Variants in AKAP12 observed in about 807,000 individuals in gnomAD.
AKAP12 encodes the protein A-kinase anchor protein 12.
In AKAP12, 32 loss-of-function variants were observed where a neutral mutation model predicts 79.9. The observed-to-expected ratio is 0.40, with a 90% CI of 0.30 to 0.54. The LOEUF (loss-of-function observed/expected upper bound fraction) is 0.54. AKAP12 is among the 20% of genes least tolerant of loss of function. The pLI is 0.48. For missense variants in AKAP12, 2,074 were observed against 2,177.0 expected, an observed-to-expected ratio of 0.95 and a Z score of 0.94; for synonymous variants, 808 against 857.0, an observed-to-expected ratio of 0.94 and a Z score of 1.00.
At chr6:151,321,334 C>T (rs996483736) in intron 3 of AKAP12, among the ~76,000 whole-genome samples, 8 of 152,108 alleles carry the variant, frequency 5.3e-5, no homozygotes, top group African/African-American at 1.7e-4. Flanking sequence ...GGTTAGCTGT[C>T]ACTCCCTCTC....
intron 3 of AKAP12, among the ~76,000 whole-genome samples, chr6:151,332,158 TCCTGAGTAGCTGGGATTA>T (rs1452843851): frequency 3.4e-5 from 5 of 148,942 alleles, no homozygotes; most frequent in Non-Finnish European, 7.4e-5. Context: ...TGCCTCAGCC[TCCTGAGTAGCTGGGATTA>T]CAGGCGCCCG....
intron 3 of AKAP12, among the ~76,000 whole-genome samples, chr6:151,326,511 AAAAG>A (rs1777532626): frequency 6.6e-6 from 1 of 151,896 alleles, no homozygotes; most frequent in African/African-American, 2.4e-5. Context: ...AAAAAAGAAA[AAAAG>A]AAAAAAGTAT....
intron 2 of AKAP12, among the ~76,000 whole-genome samples, chr6:151,275,437 A>AG (rs1280913087): frequency 1.3e-5 from 2 of 152,146 alleles, no homozygotes; most frequent in Non-Finnish European, 2.9e-5. Context: ...GGGAAAAAAA[A>AG]TCTGTAGAAG....
chr6:151,325,741 G>T, intron 3 of AKAP12: 2 of 1,558,910 alleles, frequency 1.3e-6, no homozygotes, highest in Admixed American at 1.9e-5. Flanking sequence ...GTGTCTGGGC[G>T]CTCAGTCCGC....
intron 2 of AKAP12, among the ~76,000 whole-genome samples, chr6:151,273,886 G>C (rs961693067): frequency 3.3e-5 from 5 of 151,990 alleles, no homozygotes; most frequent in African/African-American, 1.2e-4. Flanking sequence ...AAAATTAGCC[G>C]GGTATGGTGG....
chr6:151,248,046 A>G (rs930644307), intron 2 of AKAP12, among the ~76,000 whole-genome samples: 6 of 151,912 alleles, frequency 3.9e-5, no homozygotes, highest in South Asian at 2.1e-4. Context: ...GAAATAAACC[A>G]AAATTTAAGA....
chr6:151,278,910 G>A lies in AKAP12; in HGVS notation c.163-26837G>A, dbSNP rs183725161. On this transcript the variant is annotated intron_variant, in intron 2 of 4. Transcript: ENST00000402676. ...TCTCGATCTCCTGACCTTGTGATCC[G>A]CCTGCCCCGGCCTCCCAAAGTGCTG... Among the ~76,000 whole-genome samples, 1,020 of 151,148 alleles carry A rather than the reference G, an allele frequency of 6.7e-3. 37 individuals carry two copies. The highest frequency in any genetic ancestry group is 0.061 in the Admixed American group (933 of 15,218).
chr6:151,316,069 CA>C (rs760159042), intron 3 of AKAP12, among the ~76,000 whole-genome samples: 4,740 of 152,252 alleles, frequency 0.031, 91 homozygotes, highest in Non-Finnish European at 0.047. Flanking sequence ...CAAACCATAT[CA>C]TATAGAAAAG....
intron 3 of AKAP12, chr6:151,323,920 G>A (rs1562739115): frequency 1.6e-5 from 16 of 985,218 alleles, no homozygotes; most frequent in East Asian, 1.1e-4. Context: ...GATCACCCAC[G>A]GCTCCTGGGA....
At chr6:151,272,742 G>A (rs192715393) in intron 2 of AKAP12, among the ~76,000 whole-genome samples, 1 of 152,284 alleles carries the variant, frequency 6.6e-6, no homozygotes, top group African/African-American at 2.4e-5. Context: ...TACCATGCCA[G>A]GCTGGTCTCA....
chr6:151,333,408 A>C (rs1420871472), intron 3 of AKAP12, among the ~76,000 whole-genome samples: 1 of 152,142 alleles, frequency 6.6e-6, no homozygotes, highest in Non-Finnish European at 1.5e-5. Context: ...GTGTTCACTA[A>C]GCTACAGTCT....
chr6:151,261,733 T>TTTATTTA (rs1554320393), intron 2 of AKAP12, among the ~76,000 whole-genome samples: 2 of 143,954 alleles, frequency 1.4e-5, no homozygotes, highest in African/African-American at 2.5e-5. Context: ...GTTTTTATTA[T>TTTATTTA]TTTATTTATT....
chr6:151,293,427 A>C (rs1218429027), intron 2 of AKAP12, among the ~76,000 whole-genome samples: 1 of 152,242 alleles, frequency 6.6e-6, no homozygotes, highest in African/African-American at 2.4e-5. Context: ...AACTCTTCAC[A>C]ATAACATTTT....
At chr6:151,300,613 C>G (rs1475044374) in intron 2 of AKAP12, among the ~76,000 whole-genome samples, 1 of 152,072 alleles carries the variant, frequency 6.6e-6, no homozygotes, top group African/African-American at 2.4e-5. Flanking sequence ...GGAGAAGTCT[C>G]CTAGTTTTTC....
chr6:151,352,634 T>C lies in AKAP12; in HGVS notation c.4243T>C (p.Ser1415Pro). ...ATGCACCAAAATTCAAGTTCAGAGC[T>C]CTGAGGCATCATTCACTCTAACAGC... ...AVCTKIQVQS[S>P]EASFTLTAAA... Residue 1415 changes from serine (S) to proline (P), a missense_variant, in exon 4 of 5, where the codon TCT (serine) becomes CCT (proline). This residue lies in a region of AKAP12 where 614 missense variants were observed against 665.6 expected (regional missense o/e 0.92). Transcript: ENST00000402676. 6.2e-7 allele frequency: 1 copy of C among 1,614,132 alleles called. No individual in the cohort carries two copies. The highest frequency in any genetic ancestry group is 2.2e-5 in the East Asian group (1 of 44,870).
intron 4 of AKAP12, among the ~76,000 whole-genome samples, chr6:151,354,036 G>C (rs960734833): frequency 6.6e-6 from 1 of 151,990 alleles, no homozygotes; most frequent in African/African-American, 2.4e-5. Context: ...GCACATGTGC[G>C]TGTTTGACCC....
intron 2 of AKAP12, among the ~76,000 whole-genome samples, chr6:151,251,904 C>T (rs995523309): frequency 1.3e-5 from 2 of 152,046 alleles, no homozygotes; most frequent in African/African-American, 2.4e-5. Context: ...AGCTGAGGCA[C>T]GAGAAACCCT....
chr6:151,254,702 G>A (rs1246372620), intron 2 of AKAP12, among the ~76,000 whole-genome samples: 4 of 152,166 alleles, frequency 2.6e-5, no homozygotes, highest in African/African-American at 9.7e-5. Context: ...TTAAGACAAC[G>A]ATCGGTTATT....
In AKAP12 at chr6:151,256,602, A is replaced by ATT. The variant is rs1394914276; in HGVS notation, c.162+15879_162+15880insTT. Among the ~76,000 whole-genome samples, 348 of 152,082 alleles carry ATT rather than the reference A, an allele frequency of 2.3e-3. 2 individuals carry two copies. The highest frequency in any genetic ancestry group is 6.8e-3 in the African/African-American group (282 of 41,514). On this transcript the variant is annotated intron_variant, in intron 2 of 4. Coordinates refer to ENST00000402676, the MANE Select transcript of AKAP12 (RefSeq NM_005100.4). ...TCCTATAAAGATGATTGTATTTTTT[A>ATT]TATATGTGTGTGTGTGTATATACAC...
Sources: gnomAD v4.1 joint callset for allele counts (sites outside exome capture counted in the v4.1 genomes callset) on GRCh38, gnomAD v4.1.1 for gene constraint, gnomAD v4.1.1 regional missense constraint, MANE v1.5 for transcripts, NCBI Gene and HGNC (gene_info 2026-07-23, HGNC 2026-07-21) for gene names.